Variants in TRIP12 observed in about 807,000 individuals in gnomAD.
TRIP12 encodes thyroid hormone receptor interactor 12.
A neutral mutation model predicts 244.2 loss-of-function variants in TRIP12; 25 were observed. That is an observed-to-expected ratio of 0.10 (90% confidence interval 0.07 to 0.14). The LOEUF (loss-of-function observed/expected upper bound fraction) is 0.14. Among genes scored for constraint, TRIP12 ranks in the 10% least tolerant of loss-of-function variants. The pLI is 1.00. For synonymous variants in TRIP12, 905 were observed against 873.1 expected, an observed-to-expected ratio of 1.04 and a Z score of -0.64; for missense variants, 1,677 against 2,486.4, an observed-to-expected ratio of 0.67 and a Z score of 6.92.
rs1574631500 is a variant in TRIP12 at position 229,767,674 on chromosome 2, C to T, written c.6084G>A (p.Leu2028=). 1 of 1,614,132 alleles carries T rather than the reference C, an allele frequency of 6.2e-7. No homozygotes were observed. Among genetic ancestry groups the T allele is most frequent in the Non-Finnish European group, 8.5e-7 (1 of 1,180,010 alleles). Residue 2028 remains leucine (L), a synonymous_variant, in exon 42 of 42, where the codon TTG becomes TTA. Coordinates refer to ENST00000675903, the MANE Select transcript of TRIP12 (RefSeq NM_001348323.3). ...FESTENPDDF[L]PSVMTCVNYL... ...AGTTCACACAAGTCATTACAGAGGG[C>T]AAGAAGTCATCTGGGTTTTCTGTTG...
chr2:229,799,707 G>A (rs947737189), intron 21 of TRIP12, among the ~76,000 whole-genome samples: 28 of 151,926 alleles, frequency 1.8e-4, no homozygotes, highest in Admixed American at 3.3e-4. Flanking sequence ...CCCGGGAGGC[G>A]GAGCTTGCAG....
intron 8 of TRIP12, among the ~76,000 whole-genome samples, chr2:229,825,771 G>T (rs2051392644): frequency 6.6e-6 from 1 of 151,974 alleles, no homozygotes. Context: ...TCATAGCAGG[G>T]AGAAAAAAAT....
intron 38 of TRIP12, chr2:229,773,673 CCA>C (rs1482247560): frequency 6.3e-6 from 1 of 158,528 alleles, no homozygotes; most frequent in Non-Finnish European, 1.4e-5. Context: ...CAGGCGTGAG[CCA>C]CTGCACCTCG....
intron 1 of TRIP12, among the ~76,000 whole-genome samples, chr2:229,916,908 T>C (rs2075519291): frequency 6.6e-6 from 1 of 150,560 alleles, no homozygotes; most frequent in African/African-American, 2.4e-5. Context: ...ATCGGTATAC[T>C]TATCTATTTA....
intron 37 of TRIP12, among the ~76,000 whole-genome samples, chr2:229,774,893 C>T (rs1042703414): frequency 2.0e-5 from 3 of 150,662 alleles, no homozygotes; most frequent in Non-Finnish European, 4.4e-5. Context: ...ATAAGACAAA[C>T]GTTAAGAAGT....
At chr2:229,802,866 A>G (rs1464717873) in intron 20 of TRIP12, among the ~76,000 whole-genome samples, 1 of 152,144 alleles carries the variant, frequency 6.6e-6, no homozygotes, top group Non-Finnish European at 1.5e-5. Flanking sequence ...CTACAAAAAG[A>G]CAAGATCACA....
chr2:229,802,185 T>C (rs2044559675), intron 21 of TRIP12, 67 bp downstream of exon 21: 12 of 1,317,704 alleles, frequency 9.1e-6, no homozygotes, highest in Admixed American at 2.6e-5. Context: ...ACTCCCTATA[T>C]GATTCTTAGG....
intron 6 of TRIP12, among the ~76,000 whole-genome samples, chr2:229,832,484 A>G (rs1382984199): frequency 1.3e-5 from 2 of 152,226 alleles, no homozygotes; most frequent in Non-Finnish European, 2.9e-5. Context: ...GCTGGGCAAA[A>G]CCCACACTTC....
intron 15 of TRIP12, among the ~76,000 whole-genome samples, chr2:229,809,424 G>C (rs1210679689): frequency 6.6e-6 from 1 of 151,780 alleles, no homozygotes; most frequent in East Asian, 1.9e-4. Context: ...ATAAACATGT[G>C]GTAAACTGCC....
chr2:229,813,530 T>A (rs1331053764), intron 13 of TRIP12, among the ~76,000 whole-genome samples: 1 of 152,184 alleles, frequency 6.6e-6, no homozygotes, highest in Admixed American at 6.5e-5. Context: ...ACGCCTGTAA[T>A]CCCAGCACTA....
chr2:229,804,728 C>T (rs1400560400), intron 18 of TRIP12, among the ~76,000 whole-genome samples: 2 of 152,150 alleles, frequency 1.3e-5, no homozygotes, highest in African/African-American at 2.4e-5. Flanking sequence ...GTCTGTAAGC[C>T]GAATCCAGTC....
intron 34 of TRIP12, 55 bp from the exon 35 acceptor site, chr2:229,779,045 C>G (rs2037217080): frequency 1.4e-6 from 2 of 1,425,228 alleles, no homozygotes; most frequent in South Asian, 2.3e-5. Context: ...TGTTTTTTTA[C>G]TGCCAACCTC....
At chr2:229,850,483 T>C (rs1451806616) in intron 4 of TRIP12, among the ~76,000 whole-genome samples, 1 of 152,226 alleles carries the variant, frequency 6.6e-6, no homozygotes, top group Non-Finnish European at 1.5e-5. Context: ...TCACAGATTA[T>C]CTACCTTTTT....
At chr2:229,850,380 G>C (rs1347939441) in intron 4 of TRIP12, among the ~76,000 whole-genome samples, 3 of 152,164 alleles carry the variant, frequency 2.0e-5, no homozygotes, top group African/African-American at 7.2e-5. Flanking sequence ...AAACTTTTAA[G>C]TTGCTAAATT....
In TRIP12 at chr2:229,880,225, A is replaced by C. The variant is rs2064543226; in HGVS notation, c.-49-97T>G. 7 of 735,284 alleles carry C rather than the reference A, an allele frequency of 9.5e-6. No individual in the cohort carries two copies. The East Asian group carries it at 1.1e-4, about 11-fold the overall frequency. 45.5% of individuals were successfully genotyped at this position (735,284 alleles called of 1,614,324 possible). A position where few individuals can be genotyped will look rare whatever the true frequency, so the allele number is the denominator to read the frequency against. On this transcript the variant is annotated intron_variant, in intron 1 of 41. Transcript: ENST00000675903. ...TTACGGTGACATGGAAATTTTCTGCAAACTATCTGATTTTACAGCCTTCAC... is the reference window on the plus strand; with the variant it reads ...TTACGGTGACATGGAAATTTTCTGCCAACTATCTGATTTTACAGCCTTCAC...
At chr2:229,863,216 G>A (rs545409305) in intron 2 of TRIP12, among the ~76,000 whole-genome samples, 2 of 140,934 alleles carry the variant, frequency 1.4e-5, no homozygotes, top group Admixed American at 7.4e-5. Flanking sequence ...GTGACAGGGC[G>A]AGACTCCATC....
At chr2:229,922,362 A>G, upstream of TRIP12, 1 of 719,860 alleles carries the variant, frequency 1.4e-6, no homozygotes, top group Non-Finnish European at 2.3e-6. Flanking sequence ...GGGTTCCCTA[A>G]GACCCTTGGA....
At chr2:229,867,729 G>A (rs2061829801) in intron 2 of TRIP12, among the ~76,000 whole-genome samples, 1 of 152,140 alleles carries the variant, frequency 6.6e-6, no homozygotes, top group South Asian at 2.1e-4. Flanking sequence ...AAGAATGAAA[G>A]CAAATCCTCA....
intron 2 of TRIP12, among the ~76,000 whole-genome samples, chr2:229,878,214 C>T (rs1051775720): frequency 6.6e-6 from 1 of 152,064 alleles, no homozygotes; most frequent in Non-Finnish European, 1.5e-5. Flanking sequence ...CACTCTGAGG[C>T]CAAGGCCAAT....
Sources: allele counts gnomAD v4.1 joint callset (sites outside exome capture counted in the v4.1 genomes callset), GRCh38; gene constraint gnomAD v4.1.1; transcripts MANE v1.5; gene names NCBI Gene and HGNC (gene_info 2026-07-23, HGNC 2026-07-21).